The following KDM5A variants were observed in gnomAD, a reference collection of about 807,000 sequenced individuals.
The protein encoded by KDM5A is lysine-specific demethylase 5A.
Under a neutral mutation model 193.5 loss-of-function variants are expected in KDM5A, and 42 were observed. The ratio of observed to expected loss-of-function variants is 0.22; its 90% CI spans 0.17 to 0.28. The LOEUF (loss-of-function observed/expected upper bound fraction) is 0.28. KDM5A is among the 10% of genes least tolerant of loss of function. KDM5A has a pLI of 1.00. For synonymous variants in KDM5A, 796 were observed against 718.1 expected (o/e 1.11, Z -1.73); for missense variants, 1,692 against 2,055.1 (o/e 0.82, Z 3.42).
chr12:368,931 T>C (rs1249425141), intron 3 of KDM5A, among the ~76,000 whole-genome samples: 1 of 152,202 alleles, frequency 6.6e-6, no homozygotes, highest in Non-Finnish European at 1.5e-5. Flanking sequence ...CAAATGTCTA[T>C]GAGTGTGGAC....
rs1943610357 is a variant in KDM5A, at chr12:313,140, A to G, written c.2952T>C (p.Ile984=). ...ACAACACATTGGGTAGAAAGGCTGG[A>G]ATGTTCTTGGCTTCATTCACAATGC... The part of the protein sequence containing the change: ...LESIVNEAKN[I]PAFLPNVLSL... The change falls in exon 20 of 28, where the codon ATT becomes ATC. Residue 984 remains isoleucine (I), a synonymous_variant. Transcript: ENST00000399788. 2 of 1,614,118 alleles carry G rather than the reference A, an allele frequency of 1.2e-6. No homozygotes were observed. The highest frequency in any genetic ancestry group is 1.7e-6 in the Non-Finnish European group (2 of 1,179,976).
At chr12:372,291 G>C (rs1237599390) in intron 3 of KDM5A, among the ~76,000 whole-genome samples, 1 of 152,112 alleles carries the variant, frequency 6.6e-6, no homozygotes, top group African/African-American at 2.4e-5. Flanking sequence ...GTGGTTTGTA[G>C]TTCTCCTTGA....
At position 323,208 on chromosome 12, in the gene KDM5A, TAC is replaced by T. The variant is rs768324653; in HGVS notation, c.2151-4_2151-3del. The T allele has an allele frequency of 1.9e-5, 2 of 105,042 alleles. No homozygotes were observed. Among genetic ancestry groups the T allele is most frequent in the Non-Finnish European group, 3.6e-5 (2 of 55,720 alleles). The allele number at this position is 105,042 out of a possible 1,614,324, so 6.5% of individuals were successfully genotyped here. A position where few individuals can be genotyped will look rare whatever the true frequency, so the allele number is the denominator to read the frequency against. On this transcript the variant is annotated splice_region_variant and splice_polypyrimidine_tract_variant and intron_variant, in intron 15 of 27. Coordinates refer to ENST00000399788, the MANE Select transcript of KDM5A (RefSeq NM_001042603.3). ...AGGTCTTCTAATGGGTAGCGATATCTACAAAAAAAAAAAAAAAAAAAAAAAAA... is the reference window on the plus strand; with the variant it reads ...AGGTCTTCTAATGGGTAGCGATATCTAAAAAAAAAAAAAAAAAAAAAAAAA...
chr12:364,578 G>T (rs1201119599), intron 4 of KDM5A, among the ~76,000 whole-genome samples: 2 of 151,796 alleles, frequency 1.3e-5, no homozygotes, highest in Non-Finnish European at 2.9e-5. Flanking sequence ...GAGGTCAGGA[G>T]ATCGAGACCA....
chr12:372,874 G>C (rs1031870783), intron 3 of KDM5A, among the ~76,000 whole-genome samples: 2 of 152,154 alleles, frequency 1.3e-5, no homozygotes, highest in African/African-American at 4.8e-5. Flanking sequence ...CTTTGGTTCT[G>C]TTTATATGCT....
chr12:372,366 G>A (rs1229990950), intron 3 of KDM5A, among the ~76,000 whole-genome samples: 2 of 152,162 alleles, frequency 1.3e-5, no homozygotes, highest in Non-Finnish European at 2.9e-5. Context: ...AAGCAATTGT[G>A]AATGGGAGTT....
At chr12:386,046 G>T in intron 1 of KDM5A, 72 bp from the exon 2 acceptor site, 1 of 1,198,100 alleles carries the variant, frequency 8.3e-7, no homozygotes, top group Non-Finnish European at 1.2e-6. Flanking sequence ...TTCCCTTAAA[G>T]GGGGGTTTTG....
chr12:312,828 A>G (rs771295547), intron 20 of KDM5A, among the ~76,000 whole-genome samples: 14 of 152,196 alleles, frequency 9.2e-5, no homozygotes, highest in Non-Finnish European at 2.1e-4. Context: ...AGAATGTCAT[A>G]CCACATATTG....
chr12:300,150 C>T lies in KDM5A; in HGVS notation c.4075-2950G>A, dbSNP rs559945474. On this transcript the variant is annotated intron_variant, in intron 24 of 27. Coordinates refer to ENST00000399788, the MANE Select transcript of KDM5A (RefSeq NM_001042603.3). ...GAGATGGAAAATTAACAAGGATATC[C>T]AGGAACTGAACTCAGCTCTGCACCA... 1.8e-3 allele frequency among the ~76,000 whole-genome samples: 267 copies of T among 152,068 alleles called. 1 individual carries two copies. The highest frequency in any genetic ancestry group is 6.2e-3 in the African/African-American group (258 of 41,448).
chr12:387,170 T>G (rs1944646940), intron 1 of KDM5A: 14 of 296,520 alleles, frequency 4.7e-5, no homozygotes, highest in South Asian at 3.7e-4. Context: ...ATAACATAGT[T>G]TGATTTGGCC....
chr12:334,504 A>C, intron 10 of KDM5A, 82 bp from the exon 11 acceptor site: 2 of 1,154,068 alleles, frequency 1.7e-6, no homozygotes, highest in Non-Finnish European at 1.3e-6. Context: ...CTTCCCAGAA[A>C]ATTTTTTTAT....
At chr12:288,707 T>C (rs957672123) in intron 27 of KDM5A, among the ~76,000 whole-genome samples, 8 of 152,310 alleles carry the variant, frequency 5.3e-5, no homozygotes, top group Middle Eastern at 3.4e-3. Context: ...AAAGCTGGAT[T>C]TGAAAAAGGA....
At chr12:351,808 A>C (rs1944163452) in intron 9 of KDM5A, among the ~76,000 whole-genome samples, 1 of 152,008 alleles carries the variant, frequency 6.6e-6, no homozygotes, top group Admixed American at 6.6e-5. Flanking sequence ...GTCTCTATTA[A>C]AAATACAAAA....
intron 27 of KDM5A, among the ~76,000 whole-genome samples, chr12:288,664 T>C (rs1165801281): frequency 6.6e-6 from 1 of 152,248 alleles, no homozygotes; most frequent in Non-Finnish European, 1.5e-5. Context: ...TATTTTGGCA[T>C]TTAATATCTT....
At position 322,486 on chromosome 12, in the gene KDM5A, T is replaced by A. The variant is rs890670708; in HGVS notation, c.2357A>T (p.Asp786Val). ...ACAGGTCTCAGCTTCTTTTACAGCA[T>A]CCCTGAGTTTTCGAAAGAGATCATT... ...PENDLFRKLRDAVKEAETCAS... is the reference protein window; with the variant it reads ...PENDLFRKLRVAVKEAETCAS... The change falls in exon 17 of 28, where the codon GAT (aspartate) becomes GTT (valine). Residue 786 changes from aspartate (D) to valine (V), a missense_variant. This residue lies in a region of KDM5A where 965 missense variants were observed against 1,061.0 expected (regional missense o/e 0.91). Transcript: ENST00000399788. The A allele has an allele frequency of 5.0e-5, 80 of 1,613,728 alleles. No individual in the cohort carries two copies. Among genetic ancestry groups the A allele is most frequent in the Non-Finnish European group, 6.7e-5 (79 of 1,179,940 alleles).
chr12:287,886 C>T (rs746088011), intron 27 of KDM5A, among the ~76,000 whole-genome samples: 2 of 152,284 alleles, frequency 1.3e-5, no homozygotes, highest in Non-Finnish European at 2.9e-5. Context: ...CACTGGCTTA[C>T]AATTTCCCAA....
intron 13 of KDM5A, among the ~76,000 whole-genome samples, chr12:330,085 G>GTGTGTGTGTGTGTGTGTGTGTATATA (rs377271333): frequency 5.2e-4 from 73 of 139,370 alleles, no homozygotes; most frequent in Non-Finnish European, 7.7e-4. Flanking sequence ...GTGTGTGTGT[G>GTGTGTGTGTGTGTGTGTGTGTATATA]TATATATATA....
chr12:351,136 T>C (rs993624479), intron 9 of KDM5A, among the ~76,000 whole-genome samples: 1 of 152,112 alleles, frequency 6.6e-6, no homozygotes, highest in Non-Finnish European at 1.5e-5. Flanking sequence ...AACACAAAAT[T>C]TCATTTTCTT....
intron 24 of KDM5A, among the ~76,000 whole-genome samples, chr12:297,732 T>C (rs1472800403): frequency 1.3e-5 from 2 of 152,098 alleles, no homozygotes; most frequent in Non-Finnish European, 2.9e-5. Flanking sequence ...CACACAGACA[T>C]AGAATTTAGA....
Sources: gnomAD v4.1 joint callset for allele counts (sites outside exome capture counted in the v4.1 genomes callset) on GRCh38, gnomAD v4.1.1 for gene constraint, gnomAD v4.1.1 regional missense constraint, MANE v1.5 for transcripts, NCBI Gene and HGNC (gene_info 2026-07-23, HGNC 2026-07-21) for gene names.